Variants in RSRP1 observed in about 807,000 individuals in gnomAD.
RSRP1 encodes arginine/serine-rich protein 1.
In RSRP1, 37 loss-of-function variants were observed where a neutral mutation model predicts 33.0. That is an observed-to-expected ratio of 1.12 (90% CI 0.86 to 1.48). RSRP1 has a LOEUF of 1.48. Among genes scored for constraint, RSRP1 ranks in the 40% most tolerant of loss-of-function variants. The pLI is 0.00. For synonymous variants in RSRP1, 167 were observed against 158.7 expected (o/e 1.05, Z -0.40); for missense variants, 402 against 385.3 (o/e 1.04, Z -0.36).
chr1:25,258,841 G>C (rs1640031859), intron 1 of RSRP1, among the ~76,000 whole-genome samples: 1 of 152,118 alleles, frequency 6.6e-6, no homozygotes, highest in African/African-American at 2.4e-5. Context: ...GGCATCATAG[G>C]AGATTTGGCC....
At chr1:25,254,871 T>C (rs1472705841) in intron 1 of RSRP1, among the ~76,000 whole-genome samples, 1 of 152,256 alleles carries the variant, frequency 6.6e-6, no homozygotes, top group Non-Finnish European at 1.5e-5. Flanking sequence ...TTACTGGTAG[T>C]GTCACTACAA....
chr1:25,303,125 G>A (rs1643518385), intron 1 of RSRP1, among the ~76,000 whole-genome samples: 1 of 132,020 alleles, frequency 7.6e-6, no homozygotes, highest in Non-Finnish European at 1.8e-5. Flanking sequence ...CTGAGCCTAA[G>A]AGGCAGTAGT....
intron 1 of RSRP1, among the ~76,000 whole-genome samples, chr1:25,284,392 T>C (rs1281598212): frequency 1.5e-5 from 2 of 135,718 alleles, no homozygotes; most frequent in Non-Finnish European, 3.5e-5. Context: ...CGGCATGTTA[T>C]GTTATCCCCA....
At chr1:25,302,010 A>T (rs1415505349) in intron 1 of RSRP1, among the ~76,000 whole-genome samples, 1 of 130,520 alleles carries the variant, frequency 7.7e-6, no homozygotes, top group Non-Finnish European at 1.8e-5. Flanking sequence ...GCAGCAACAG[A>T]CTAGACTAGA....
chr1:25,253,043 G>A (rs916137846), intron 1 of RSRP1: 3 of 151,692 alleles, frequency 2.0e-5, no homozygotes, highest in African/African-American at 7.3e-5. Flanking sequence ...ACCATTCCTT[G>A]TGTTCAAGTC....
rs532085654 is a variant in RSRP1, at chr1:25,331,188, G to C, written c.-67+6790C>G. Reference sequence around the variant, plus strand: ...TCACCATATTGGCCAGGCTGGTCTCGAACTCCTGACCTTGTCATCTGCCTG... The same window carrying C: ...TCACCATATTGGCCAGGCTGGTCTCCAACTCCTGACCTTGTCATCTGCCTG... On this transcript the variant is annotated intron_variant, in intron 1 of 1. Transcript: ENST00000561867. 4.9e-3 allele frequency among the ~76,000 whole-genome samples: 632 copies of C among 127,826 alleles called. 139 individuals carry two copies. The highest frequency in any genetic ancestry group is 8.3e-3 in the Middle Eastern group (2 of 240). 83.9% of individuals were successfully genotyped at this position (127,826 alleles called of 152,430 possible). A position where few individuals can be genotyped will look rare whatever the true frequency, so the allele number is the denominator to read the frequency against.
chr1:25,263,788 C>A (rs1327933661), intron 1 of RSRP1, among the ~76,000 whole-genome samples: 1 of 152,038 alleles, frequency 6.6e-6, no homozygotes, highest in Non-Finnish European at 1.5e-5. Flanking sequence ...TCATCTGAGA[C>A]AAGGCAAGTC....
chr1:25,315,511 T>C (rs2124085359), intron 1 of RSRP1, among the ~76,000 whole-genome samples: 2 of 124,610 alleles, frequency 1.6e-5, no homozygotes, highest in East Asian at 3.9e-4. Flanking sequence ...CTTTTTTTTT[T>C]TTTGAGATGG....
At position 25,289,819 on chromosome 1, in the gene RSRP1, G is replaced by C. The variant is rs1208774001; in HGVS notation, c.-66-42790C>G. Among the ~76,000 whole-genome samples, 4 of 111,786 alleles carry C rather than the reference G, an allele frequency of 3.6e-5. 1 individual carries two copies. Among genetic ancestry groups the C allele is most frequent in the African/African-American group, 1.2e-4 (4 of 33,624 alleles). 73.3% of individuals were successfully genotyped at this position (111,786 alleles called of 152,430 possible). On this transcript the variant is annotated intron_variant, in intron 1 of 1. Coordinates refer to the RSRP1 transcript ENST00000561867. ...ATGGTGTAGCCTGTCTAGATCATAA[G>C]TACATTTTTTTTTTTTTTGGATCAT... is the stretch of plus-strand genomic sequence containing the variant.
At chr1:25,248,765 C>T (rs916292062), upstream of RSRP1, among the ~76,000 whole-genome samples, 2 of 152,186 alleles carry the variant, frequency 1.3e-5, no homozygotes, top group Non-Finnish European at 2.9e-5. Flanking sequence ...TAAACAGTTT[C>T]TTCTCTAAAT....
intron 1 of RSRP1, among the ~76,000 whole-genome samples, chr1:25,309,089 C>CT (rs1053241096): frequency 7.6e-6 from 1 of 131,618 alleles, no homozygotes; most frequent in Non-Finnish European, 1.8e-5. Flanking sequence ...TGTGGATTAG[C>CT]TACTTGGTGG....
chr1:25,312,752 CAAATA>C (rs1644213374), intron 1 of RSRP1, among the ~76,000 whole-genome samples: 1 of 111,846 alleles, frequency 8.9e-6, no homozygotes, highest in African/African-American at 3.0e-5. Context: ...TCTGTCTCTA[CAAATA>C]AAATTAAATA....
rs1295420252 is a variant in RSRP1 at position 25,286,717 on chromosome 1, C to T, written c.-66-39688G>A. On this transcript the variant is annotated intron_variant, in intron 1 of 1. Transcript: ENST00000561867. Reference sequence around the variant, plus strand: ...AGGAGAATGGCGTGAACCCGGGAGGCGGAGTTTGCAGTGAACCGAGATGGT... The same window carrying T: ...AGGAGAATGGCGTGAACCCGGGAGGTGGAGTTTGCAGTGAACCGAGATGGT... Among the ~76,000 whole-genome samples the T allele has an allele frequency of 2.3e-5, 3 of 132,548 alleles. No homozygotes were observed. In the East Asian group the frequency reaches 5.8e-4, roughly 26 times the overall value. 87.0% of individuals were successfully genotyped at this position (132,548 alleles called of 152,430 possible). A position where few individuals can be genotyped will look rare whatever the true frequency, so the allele number is the denominator to read the frequency against.
rs1641581692 is a variant in RSRP1, at chr1:25,282,535, AT to A, written c.-66-35507del. On this transcript the variant is annotated intron_variant, in intron 1 of 1. Coordinates refer to the RSRP1 transcript ENST00000561867. ...TGTCCAAAAGAGTCAACTGGTGGCA[AT>A]TTAGTGAGGTTTAATCTAATAGGAA... Among the ~76,000 whole-genome samples, 2 of 132,336 alleles carry A rather than the reference AT, an allele frequency of 1.5e-5. 1 individual carries two copies. Among genetic ancestry groups the A allele is most frequent in the African/African-American group, 5.2e-5 (2 of 38,830 alleles). The allele number at this position is 132,336 out of a possible 152,430, so 86.8% of individuals were successfully genotyped here. A position where few individuals can be genotyped will look rare whatever the true frequency, so the allele number is the denominator to read the frequency against.
intron 1 of RSRP1, chr1:25,254,015 G>C (rs1472116671): frequency 6.6e-6 from 1 of 152,244 alleles, no homozygotes; most frequent in African/African-American, 2.4e-5. Context: ...GAGATTAGTT[G>C]AGATTAGACA....
intron 1 of RSRP1, among the ~76,000 whole-genome samples, chr1:25,295,849 A>AGTTTTTTT (rs1557534285): frequency 8.9e-5 from 3 of 33,728 alleles, no homozygotes; most frequent in African/African-American, 1.2e-4. Context: ...GAATATGGGA[A>AGTTTTTTT]ATTTTTTTTT....
In RSRP1 at chr1:25,290,330, G is replaced by A. The variant is rs1485580329; in HGVS notation, c.-66-43301C>T. Among the ~76,000 whole-genome samples the A allele has an allele frequency of 7.3e-5, 9 of 122,866 alleles. 2 individuals are homozygous for A. Among genetic ancestry groups the A allele is most frequent in the South Asian group, 2.5e-4 (1 of 3,960 alleles). 80.6% of individuals were successfully genotyped at this position (122,866 alleles called of 152,430 possible). ...GATCCCCTGAGGGAACAGTCACCCC[G>A]ATCACCCTCAGTCAGATGAGTGTGT... On this transcript the variant is annotated intron_variant, in intron 1 of 1. Transcript: ENST00000561867.
At chr1:25,255,460 T>G (rs1639917228) in intron 1 of RSRP1, among the ~76,000 whole-genome samples, 1 of 152,138 alleles carries the variant, frequency 6.6e-6, no homozygotes, top group African/African-American at 2.4e-5. Context: ...CAAGGTACAA[T>G]GCAATGAAGC....
Position 25,307,907 on chromosome 1 carries a change from C to CT in RSRP1, c.-67+30070dup, listed in dbSNP as rs1643936876. 2 of 1,019,818 alleles carry CT rather than the reference C, an allele frequency of 2.0e-6. 1 individual carries two copies. Among genetic ancestry groups the CT allele is most frequent in the African/African-American group, 3.2e-5 (2 of 63,368 alleles). The allele number at this position is 1,019,818 out of a possible 1,614,324, so 63.2% of individuals were successfully genotyped here. A position where few individuals can be genotyped will look rare whatever the true frequency, so the allele number is the denominator to read the frequency against. On this transcript the variant is annotated intron_variant, in intron 1 of 1. Coordinates refer to the RSRP1 transcript ENST00000561867. ...GTTCCAGTGATGTGTCTGCCACTGT[C>CT]TTAATAACTGTGCAATTCTAAGCAG...
Sources: gnomAD v4.1 joint callset for allele counts (sites outside exome capture counted in the v4.1 genomes callset) on GRCh38, gnomAD v4.1.1 for gene constraint, MANE v1.5 for transcripts, NCBI Gene and HGNC (gene_info 2026-07-23, HGNC 2026-07-21) for gene names.